The following ROCK2 variants were observed in gnomAD, a reference collection of about 807,000 sequenced individuals.
ROCK2 encodes the protein Rho associated coiled-coil containing protein kinase 2, also known as rho-associated protein kinase 2.
A neutral mutation model predicts 195.1 loss-of-function variants in ROCK2; 61 were observed. The ratio of observed to expected loss-of-function variants is 0.31; its 90% CI spans 0.25 to 0.39. The LOEUF (loss-of-function observed/expected upper bound fraction) is 0.39, where lower values mean the gene tolerates loss of function less well. Ranked by LOEUF, ROCK2 falls within the 10% of genes least tolerant of loss-of-function variation. ROCK2 has a pLI of 1.00. For synonymous variants in ROCK2, 504 were observed against 545.5 expected, an observed-to-expected ratio of 0.92 and a Z score of 1.06; for missense variants, 1,109 against 1,637.4, an observed-to-expected ratio of 0.68 and a Z score of 5.57.
In ROCK2 at chr2:11,318,525, AT is replaced by A. The variant is rs551328401; in HGVS notation, c.141+25470del. Reference sequence around the variant, plus strand: ...TATTAGCCCTTTGTCAGATGAGTAGATTGCAAAAATTTTCTCCCATTCTATA... The same window carrying A: ...TATTAGCCCTTTGTCAGATGAGTAGATGCAAAAATTTTCTCCCATTCTATA... On this transcript the variant is annotated intron_variant, in intron 1 of 32. Coordinates refer to ENST00000315872, the MANE Select transcript of ROCK2 (RefSeq NM_004850.5). 8.1e-4 allele frequency among the ~76,000 whole-genome samples: 123 copies of A among 152,252 alleles called. 2 individuals carry two copies. The highest frequency in any genetic ancestry group is 2.9e-3 in the African/African-American group (122 of 41,548).
intron 1 of ROCK2, among the ~76,000 whole-genome samples, chr2:11,331,335 G>T (rs1263806729): frequency 6.6e-6 from 1 of 152,118 alleles, no homozygotes; most frequent in African/African-American, 2.4e-5. Flanking sequence ...CTTTGTATCT[G>T]TAAGGCAAAT....
At chr2:11,295,990 G>GAGAGAGAGAGGA (rs1553313903) in intron 1 of ROCK2, among the ~76,000 whole-genome samples, 2 of 28,394 alleles carry the variant, frequency 7.0e-5, no homozygotes, top group Non-Finnish European at 1.8e-4. Context: ...GAGAGAGAGA[G>GAGAGAGAGAGGA]GAGAGAGAGA....
intron 3 of ROCK2, among the ~76,000 whole-genome samples, chr2:11,280,852 C>G (rs1361024617): frequency 6.6e-6 from 1 of 152,110 alleles, no homozygotes; most frequent in African/African-American, 2.4e-5. Context: ...AAGAAATTAT[C>G]TATAATGTAT....
intron 6 of ROCK2, among the ~76,000 whole-genome samples, chr2:11,226,007 C>G (rs1411493137): frequency 2.0e-5 from 3 of 152,160 alleles, no homozygotes; most frequent in African/African-American, 7.2e-5. Flanking sequence ...GATTTTTTAG[C>G]AATAACCATA....
chr2:11,194,494 C>A, intron 28 of ROCK2, 150 bp from the exon 29 acceptor site: 1 of 367,900 alleles, frequency 2.7e-6, no homozygotes, highest in Non-Finnish European at 5.0e-6. Context: ...GGACAGTCTT[C>A]CTTAAAATAA....
At chr2:11,190,481 C>T (rs1002627808) in intron 32 of ROCK2, among the ~76,000 whole-genome samples, 1 of 151,986 alleles carries the variant, frequency 6.6e-6, no homozygotes, top group Non-Finnish European at 1.5e-5. Context: ...ATAAAAACAG[C>T]CTGTTACATA....
At chr2:11,337,348 A>G (rs899077796) in intron 1 of ROCK2, among the ~76,000 whole-genome samples, 2 of 152,190 alleles carry the variant, frequency 1.3e-5, no homozygotes, top group Non-Finnish European at 2.9e-5. Context: ...TATACAAAAG[A>G]ACTTCTAAGA....
At chr2:11,259,538 G>C (rs1485090231) in intron 3 of ROCK2, among the ~76,000 whole-genome samples, 2 of 151,302 alleles carry the variant, frequency 1.3e-5, no homozygotes, top group African/African-American at 4.9e-5. Flanking sequence ...ACCTCTCTGA[G>C]ACTCAGTTTT....
At chr2:11,202,023 A>G (rs779625922) in intron 21 of ROCK2, 29 bp downstream of exon 21, 19 of 1,494,468 alleles carry the variant, frequency 1.3e-5, no homozygotes, top group Non-Finnish European at 1.8e-5. Context: ...TCTGTTTGCT[A>G]TTTGCAAATT....
Position 11,306,392 on chromosome 2 carries a change from C to T in ROCK2, c.142-18656G>A, listed in dbSNP as rs904016840. On this transcript the variant is annotated intron_variant, in intron 1 of 32. Coordinates refer to ENST00000315872, the MANE Select transcript of ROCK2 (RefSeq NM_004850.5). ...TGTAAACTTTAAAAGTTCTATATTT[C>T]GCATTATCTTTGTTTTACCTTCTTT... 1.8e-4 allele frequency among the ~76,000 whole-genome samples: 27 copies of T among 152,242 alleles called. No individual in the cohort carries two copies. In the South Asian group the frequency reaches 5.4e-3, roughly 30 times the overall value.
chr2:11,236,876 C>T (rs372887095), intron 4 of ROCK2, among the ~76,000 whole-genome samples: 1 of 152,172 alleles, frequency 6.6e-6, no homozygotes, highest in East Asian at 1.9e-4. Flanking sequence ...ATCAACCAGG[C>T]GTGGTGGCTC....
intron 1 of ROCK2, among the ~76,000 whole-genome samples, chr2:11,295,979 AGAGAGAGAGAGGAGAGAGAGAGAGAG>A (rs1667504954): frequency 2.7e-5 from 2 of 74,330 alleles, no homozygotes; most frequent in Non-Finnish European, 6.0e-5. Context: ...AGAGAGAGAG[AGAGAGAGAGAGGAGAGAGAGAGAGAG>A]GAGAGAGAGA....
chr2:11,325,835 T>TA (rs1668533405), intron 1 of ROCK2, among the ~76,000 whole-genome samples: 1 of 152,070 alleles, frequency 6.6e-6, no homozygotes, highest in South Asian at 2.1e-4. Flanking sequence ...AATAGCATGA[T>TA]AGTCACTTGA....
At position 11,201,081 on chromosome 2, in the gene ROCK2, C is replaced by T. The variant is rs1216521636; in HGVS notation, c.2786G>A (p.Arg929His). 3 of 1,613,468 alleles carry T rather than the reference C, an allele frequency of 1.9e-6. No homozygotes were observed. Among genetic ancestry groups the T allele is most frequent in the Admixed American group, 3.3e-5 (2 of 59,942 alleles). ...AGAATATTGTTCTTCAGCAATTGAACGAGCCAGTTGCTCAGAATCTGCTTT... is the reference window on the plus strand; with the variant it reads ...AGAATATTGTTCTTCAGCAATTGAATGAGCCAGTTGCTCAGAATCTGCTTT... ...LTKADSEQLA[R>H]SIAEEQYSDL... The change falls in exon 23 of 33, where the codon CGT becomes CAT. Residue 929 changes from arginine to histidine, a missense_variant. Coordinates refer to ENST00000315872, the MANE Select transcript of ROCK2 (RefSeq NM_004850.5). The surrounding 1 kb of genome is among the most constrained non-coding windows in gnomAD (Gnocchi z 4.6).
At chr2:11,318,889 G>A (rs1193696325) in intron 1 of ROCK2, among the ~76,000 whole-genome samples, 1 of 152,124 alleles carries the variant, frequency 6.6e-6, no homozygotes, top group East Asian at 1.9e-4. Flanking sequence ...GTTTTTGTCA[G>A]GTTTGTCAAA....
Position 11,182,030 on chromosome 2 carries a change from A to AAAAAG in ROCK2, c.*1406_*1407insCTTTT, listed in dbSNP as rs1282267639. ...TATAAAAAAAAACAAAAACAAAAAAAAAACTTTACGCTTACCATTGCTGCA... is the reference window on the plus strand; with the variant it reads ...TATAAAAAAAAACAAAAACAAAAAAAAAAAGAAACTTTACGCTTACCATTGCTGCA... On this transcript the variant is annotated 3_prime_UTR_variant, in exon 33 of 33. Coordinates refer to ENST00000315872, the MANE Select transcript of ROCK2 (RefSeq NM_004850.5). 3 of 152,200 alleles carry AAAAAG rather than the reference A, an allele frequency of 2.0e-5. No individual in the cohort carries two copies. The allele number at this position is 152,200 out of a possible 1,614,324, so 9.4% of individuals were successfully genotyped here.
chr2:11,317,613 T>TATATATATATATATATATATA (rs1553317465), intron 1 of ROCK2, among the ~76,000 whole-genome samples: 8 of 20,306 alleles, frequency 3.9e-4, no homozygotes, highest in Admixed American at 7.4e-4. Context: ...TATATATATA[T>TATATATATATATATATATATA]TTTTTTTTTT....
intron 3 of ROCK2, among the ~76,000 whole-genome samples, chr2:11,277,721 A>G (rs1666874722): frequency 6.6e-6 from 1 of 151,846 alleles, no homozygotes; most frequent in Admixed American, 6.6e-5. Flanking sequence ...TTCTTTATCC[A>G]CTCGTTGACT....
chr2:11,251,277 T>C (rs1312664869), intron 3 of ROCK2, among the ~76,000 whole-genome samples: 1 of 152,258 alleles, frequency 6.6e-6, no homozygotes, highest in Non-Finnish European at 1.5e-5. Context: ...CAATGTTTAA[T>C]CCCCATTGCC....
Sources: gnomAD v4.1 joint callset for allele counts (sites outside exome capture counted in the v4.1 genomes callset) on GRCh38, gnomAD v4.1.1 for gene constraint, Gnocchi (gnomAD v3.1) non-coding constraint, MANE v1.5 for transcripts, NCBI Gene and HGNC (gene_info 2026-07-23, HGNC 2026-07-21) for gene names.